Variants in SERF1A observed in about 807,000 individuals in gnomAD.
SERF1A encodes the protein small EDRK-rich factor 1.
At chr5:70,912,057 A>ACACACACACACACTCTCTCT (rs1184160284), downstream of SERF1A, among the ~76,000 whole-genome samples, 1 of 18,596 alleles carries the variant, frequency 5.4e-5, no homozygotes, top group African/African-American at 2.1e-4. Flanking sequence ...ACACACACAC[A>ACACACACACACACTCTCTCT]CTCTCTCTCT....
chr5:70,912,055 A>ACTCTCTCTCTCTCT (rs1373795637), downstream of SERF1A, among the ~76,000 whole-genome samples: 3 of 30,392 alleles, frequency 9.9e-5, no homozygotes, highest in African/African-American at 3.6e-4. Context: ...ACACACACAC[A>ACTCTCTCTCTCTCT]CACTCTCTCT....
chr5:70,913,396 A>AC (rs1200761060), intron 2 of SERF1A, among the ~76,000 whole-genome samples: 1 of 143,808 alleles, frequency 7.0e-6, no homozygotes, highest in Non-Finnish European at 1.5e-5. Flanking sequence ...AAAAAAAAAA[A>AC]AAAACATACA....
downstream of SERF1A, among the ~76,000 whole-genome samples, chr5:70,912,012 T>TACACACACAC (rs1203956669): frequency 5.2e-4 from 12 of 22,872 alleles, no homozygotes; most frequent in African/African-American, 1.3e-3. Context: ...TCTCAAAACA[T>TACACACACAC]ACACACACAC....
downstream of SERF1A, among the ~76,000 whole-genome samples, chr5:70,910,811 T>TTTG (rs1362844850): frequency 9.4e-5 from 3 of 31,918 alleles, no homozygotes; most frequent in Non-Finnish European, 1.9e-4. Flanking sequence ...TTTTTTTTTT[T>TTTG]TTTTTGAGAC....
downstream of SERF1A, among the ~76,000 whole-genome samples, chr5:70,912,057 A>ACACTCTCTCTCTCT (rs1184160284): frequency 5.4e-5 from 1 of 18,602 alleles, no homozygotes; most frequent in African/African-American, 2.1e-4. Context: ...ACACACACAC[A>ACACTCTCTCTCTCT]CTCTCTCTCT....
chr5:70,913,376 C>T (rs112008893), intron 2 of SERF1A, among the ~76,000 whole-genome samples: 1 of 52,966 alleles, frequency 1.9e-5, no homozygotes, highest in African/African-American at 6.4e-5. Flanking sequence ...AAGACTCTGT[C>T]TCAAAAAAAA....
downstream of SERF1A, among the ~76,000 whole-genome samples, chr5:70,912,057 ACTCT>A (rs1554081326): frequency 6.5e-4 from 12 of 18,590 alleles, 3 homozygotes; most frequent in Non-Finnish European, 1.1e-3. Context: ...ACACACACAC[ACTCT>A]CTCTCTCTCT....
At chr5:70,912,057 A>ACACTCTCT (rs1184160284), downstream of SERF1A, among the ~76,000 whole-genome samples, 279 of 18,622 alleles carry the variant, frequency 0.015, 9 homozygotes, top group African/African-American at 0.054. Flanking sequence ...ACACACACAC[A>ACACTCTCT]CTCTCTCTCT....
downstream of SERF1A, among the ~76,000 whole-genome samples, chr5:70,912,012 T>TACACACACACAC (rs1203956669): frequency 4.4e-5 from 1 of 22,878 alleles, no homozygotes; most frequent in African/African-American, 1.2e-4. Context: ...TCTCAAAACA[T>TACACACACACAC]ACACACACAC....
downstream of SERF1A, among the ~76,000 whole-genome samples, chr5:70,913,028 C>CT (rs1749148319): frequency 2.6e-5 from 2 of 76,598 alleles, 1 homozygote; most frequent in Admixed American, 3.4e-4. Flanking sequence ...GATTGCACCA[C>CT]TGCACTCCAG....
chr5:70,912,049 ACACACACACTCT>A (rs1561495832), downstream of SERF1A, among the ~76,000 whole-genome samples: 1 of 43,802 alleles, frequency 2.3e-5, no homozygotes, highest in South Asian at 8.5e-4. Context: ...ACACACACAC[ACACACACACTCT>A]CTCTCTCTCT....
At chr5:70,913,369 ACT>A (rs1749160494) in intron 2 of SERF1A, among the ~76,000 whole-genome samples, 1 of 73,014 alleles carries the variant, frequency 1.4e-5, no homozygotes, top group African/African-American at 4.9e-5. Context: ...ACAGAACAAG[ACT>A]CTGTCTCAAA....
intron 2 of SERF1A, among the ~76,000 whole-genome samples, chr5:70,913,501 A>G (rs1749168747): frequency 8.6e-6 from 1 of 115,866 alleles, no homozygotes; most frequent in African/African-American, 2.9e-5. Context: ...TCCTTGCAGC[A>G]GTCTGGCTGA....
chr5:70,912,057 ACTCTCT>A (rs1554081326), downstream of SERF1A, among the ~76,000 whole-genome samples: 1 of 18,600 alleles, frequency 5.4e-5, no homozygotes, highest in African/African-American at 2.1e-4. Context: ...ACACACACAC[ACTCTCT>A]CTCTCTCTCT....
chr5:70,917,341 CTTTT>C, exon 3 of SERF1A: 142 of 86,442 alleles, frequency 1.6e-3, no homozygotes, highest in East Asian at 2.8e-3. Context: ...TAACTTAGCA[CTTTT>C]TTTTTTTTTT....
At chr5:70,912,061 T>A (rs1379916000), downstream of SERF1A, among the ~76,000 whole-genome samples, 15 of 40,706 alleles carry the variant, frequency 3.7e-4, no homozygotes, top group African/African-American at 1.7e-3. Context: ...ACACACACTC[T>A]CTCTCTCTCT....
chr5:70,913,205 C>G, intron 2 of SERF1A, among the ~76,000 whole-genome samples: 1 of 136,442 alleles, frequency 7.3e-6, no homozygotes, highest in Non-Finnish European at 1.6e-5. Context: ...ATGGTGAAAC[C>G]CCGTCTCTAC....
At chr5:70,909,545 TAAAG>T (rs1406714115), downstream of SERF1A, among the ~76,000 whole-genome samples, 13 of 107,692 alleles carry the variant, frequency 1.2e-4, no homozygotes, top group Admixed American at 5.2e-4. Flanking sequence ...AAAGAAATAA[TAAAG>T]AAATCTGATT....
At chr5:70,912,057 A>ACACACACACT (rs1184160284), downstream of SERF1A, among the ~76,000 whole-genome samples, 12 of 18,602 alleles carry the variant, frequency 6.5e-4, no homozygotes, top group African/African-American at 2.3e-3. Context: ...ACACACACAC[A>ACACACACACT]CTCTCTCTCT....
Sources: allele counts gnomAD v4.1 joint callset (sites outside exome capture counted in the v4.1 genomes callset), GRCh38; gene constraint gnomAD v4.1.1; transcripts MANE v1.5; gene names NCBI Gene and HGNC (gene_info 2026-07-23, HGNC 2026-07-21).